The following PLEKHA5 variants were observed in gnomAD, a reference collection of about 807,000 sequenced individuals.
PLEKHA5 encodes pleckstrin homology domain-containing family A member 5.
PLEKHA5 carries 55 observed loss-of-function variants against 181.9 expected under a neutral mutation model. The observed-to-expected ratio is 0.30, with a 90% CI of 0.24 to 0.38. The LOEUF is 0.38. Among genes scored for constraint, PLEKHA5 ranks in the 10% least tolerant of loss-of-function variants. The probability of loss-of-function intolerance (pLI) is 1.00; values close to 1 mark genes in which losing one functional copy is unlikely to be tolerated. For synonymous variants in PLEKHA5, 535 were observed against 529.4 expected (o/e 1.01, Z -0.15); for missense variants, 1,432 against 1,549.5 (o/e 0.92, Z 1.27).
intron 25 of PLEKHA5, among the ~76,000 whole-genome samples, chr12:19,350,330 G>A (rs577056561): frequency 5.7e-4 from 87 of 152,242 alleles, no homozygotes; most frequent in South Asian, 2.1e-3. Context: ...TAAAGGATTC[G>A]CCAGAAAGAA....
intron 3 of PLEKHA5, among the ~76,000 whole-genome samples, chr12:19,246,571 G>A (rs1018040656): frequency 2.7e-5 from 4 of 148,342 alleles, no homozygotes; most frequent in Non-Finnish European, 4.4e-5. Context: ...GCATTTAGCC[G>A]AGATTGCGCC....
At chr12:19,272,858 C>T (rs2073365020) in intron 10 of PLEKHA5, among the ~76,000 whole-genome samples, 1 of 152,100 alleles carries the variant, frequency 6.6e-6, no homozygotes, top group South Asian at 2.1e-4. Flanking sequence ...TCCTACCCTC[C>T]CAAATAGCAA....
chr12:19,203,756 G>A (rs1017600555), intron 3 of PLEKHA5, among the ~76,000 whole-genome samples: 1 of 152,074 alleles, frequency 6.6e-6, no homozygotes, highest in East Asian at 1.9e-4. Flanking sequence ...AGCAGAGATA[G>A]TTGTACTCAT....
chr12:19,318,623 A>C (rs938001850), intron 16 of PLEKHA5, among the ~76,000 whole-genome samples: 3 of 152,176 alleles, frequency 2.0e-5, no homozygotes, highest in Non-Finnish European at 4.4e-5. Flanking sequence ...ATTTAACTTT[A>C]AATATTAAGC....
At chr12:19,300,720 C>G (rs2081241821) in intron 15 of PLEKHA5, among the ~76,000 whole-genome samples, 1 of 152,094 alleles carries the variant, frequency 6.6e-6, no homozygotes, top group Non-Finnish European at 1.5e-5. Context: ...GAAACATAAG[C>G]TGATAAATCT....
intron 15 of PLEKHA5, among the ~76,000 whole-genome samples, chr12:19,312,890 A>G (rs1006812696): frequency 1.3e-5 from 2 of 152,122 alleles, no homozygotes; most frequent in African/African-American, 2.4e-5. Context: ...CACTAACCTT[A>G]ATCATTTCTA....
chr12:19,242,323 C>T (rs2062799446), intron 3 of PLEKHA5, among the ~76,000 whole-genome samples: 1 of 151,910 alleles, frequency 6.6e-6, no homozygotes, highest in Admixed American at 6.6e-5. Flanking sequence ...ACTGCAGCCT[C>T]CGCGTCCTGG....
At chr12:19,133,617 CT>C (rs2034681439) in intron 3 of PLEKHA5, among the ~76,000 whole-genome samples, 1 of 151,748 alleles carries the variant, frequency 6.6e-6, no homozygotes, top group African/African-American at 2.4e-5. Flanking sequence ...CTGTATGGTT[CT>C]TTAATCTTTT....
chr12:19,325,767 G>A (rs1421921403), intron 20 of PLEKHA5, among the ~76,000 whole-genome samples: 1 of 151,946 alleles, frequency 6.6e-6, no homozygotes, highest in Non-Finnish European at 1.5e-5. Flanking sequence ...TTAGCACTTT[G>A]GGAGGCCAAG....
intron 5 of PLEKHA5, 37 bp from the exon 6 acceptor site, chr12:19,257,396 A>C (rs1378380612): frequency 1.0e-6 from 1 of 1,003,854 alleles, no homozygotes; most frequent in Non-Finnish European, 1.5e-6. Flanking sequence ...TCTAGGCATT[A>C]ATACCACATT....
At chr12:19,148,102 G>C (rs2039417838) in intron 3 of PLEKHA5, among the ~76,000 whole-genome samples, 2 of 151,906 alleles carry the variant, frequency 1.3e-5, no homozygotes, top group African/African-American at 4.8e-5. Flanking sequence ...TGTTGCCCGG[G>C]CTGGAGTGCA....
chr12:19,371,234 T>G (rs1048500957), intron 31 of PLEKHA5: 4 of 152,462 alleles, frequency 2.6e-5, no homozygotes, highest in African/African-American at 9.7e-5. Context: ...CTCAAGCTCC[T>G]GAGCTCAAGT....
Position 19,354,668 on chromosome 12 carries a change from G to A in PLEKHA5, c.3138+666G>A, listed in dbSNP as rs1277013910. Reference sequence around the variant, plus strand: ...GCTAAATTTTTTTGTATTTTTATTAGAGACAGGGTTTCACCATGTTAGCCA... The same window carrying A: ...GCTAAATTTTTTTGTATTTTTATTAAAGACAGGGTTTCACCATGTTAGCCA... On this transcript the variant is annotated intron_variant, in intron 26 of 31. Transcript: ENST00000429027. Among the ~76,000 whole-genome samples the A allele has an allele frequency of 2.0e-5, 3 of 150,342 alleles. No individual in the cohort carries two copies. In the South Asian group the frequency reaches 6.3e-4, roughly 32 times the overall value.
chr12:19,173,796 A>C (rs2046561962), intron 3 of PLEKHA5, among the ~76,000 whole-genome samples: 1 of 152,188 alleles, frequency 6.6e-6, no homozygotes, highest in South Asian at 2.1e-4. Flanking sequence ...GAATTTGGCC[A>C]GGTCTCATGC....
intron 22 of PLEKHA5, 26 bp downstream of exon 22, chr12:19,343,460 G>C: frequency 7.9e-7 from 1 of 1,266,490 alleles, no homozygotes; most frequent in African/African-American, 1.5e-5. Context: ...ATTTTATTTT[G>C]TGACTGACCA....
At chr12:19,352,582 T>TC (rs1446700931) in intron 25 of PLEKHA5, among the ~76,000 whole-genome samples, 2 of 150,018 alleles carry the variant, frequency 1.3e-5, no homozygotes, top group Non-Finnish European at 3.0e-5. Context: ...GAAGGCTTTT[T>TC]TTTTTTTTTT....
chr12:19,195,672 CAAA>C (rs3056386), intron 3 of PLEKHA5, among the ~76,000 whole-genome samples: 71 of 81,584 alleles, frequency 8.7e-4, no homozygotes, highest in East Asian at 2.8e-3. Context: ...GACCCTGTCT[CAAA>C]AAAAAAAAAA....
At chr12:19,196,408 A>G (rs1254688559) in intron 3 of PLEKHA5, among the ~76,000 whole-genome samples, 1 of 152,234 alleles carries the variant, frequency 6.6e-6, no homozygotes, top group Non-Finnish European at 1.5e-5. Flanking sequence ...TTTTTCCAAT[A>G]GAGCATTAAG....
intron 29 of PLEKHA5, among the ~76,000 whole-genome samples, chr12:19,363,324 ATTT>A (rs2095320773): frequency 6.9e-6 from 1 of 145,322 alleles, no homozygotes; most frequent in Non-Finnish European, 1.5e-5. Flanking sequence ...GCTAATTTTT[ATTT>A]TTTTATTTTT....
Sources: gnomAD v4.1 joint callset for allele counts (sites outside exome capture counted in the v4.1 genomes callset) on GRCh38, gnomAD v4.1.1 for gene constraint, MANE v1.5 for transcripts, NCBI Gene and HGNC (gene_info 2026-07-23, HGNC 2026-07-21) for gene names.